The following NIPA2 variants were observed in gnomAD, a reference collection of about 807,000 sequenced individuals.
NIPA2 encodes magnesium transporter NIPA2.
In NIPA2, 11 loss-of-function variants were observed where a neutral mutation model predicts 29.7. The observed-to-expected ratio is 0.37, with a 90% confidence interval of 0.23 to 0.61. NIPA2 has a LOEUF of 0.61. Among genes scored for constraint, NIPA2 ranks in the 20% least tolerant of loss-of-function variants. The pLI is 0.66. For synonymous variants in NIPA2, 183 were observed against 161.9 expected, an observed-to-expected ratio of 1.13 and a Z score of -0.99; for missense variants, 426 against 437.9, an observed-to-expected ratio of 0.97 and a Z score of 0.24.
intron 2 of NIPA2, among the ~76,000 whole-genome samples, chr15:22,844,669 A>T (rs1017385151): frequency 6.6e-6 from 1 of 152,012 alleles, no homozygotes; most frequent in Admixed American, 6.6e-5. Flanking sequence ...GTCAGAGATC[A>T]CTGCAACCCA....
chr15:22,854,470 C>T lies in NIPA2; in HGVS notation c.196+1202C>T, dbSNP rs184662589. Among the ~76,000 whole-genome samples the T allele has an allele frequency of 7.2e-3, 1,061 of 147,958 alleles. 14 individuals carry two copies. The highest frequency in any genetic ancestry group is 0.024 in the African/African-American group (961 of 40,646). ...ACAATTAAATTATTATTGGGCCGGG[C>T]GCGGTGGCTCACACCTGTAATCCCA... On this transcript the variant is annotated intron_variant, in intron 5 of 7. Coordinates refer to ENST00000337451, the MANE Select transcript of NIPA2 (RefSeq NM_030922.7).
chr15:22,856,515 C>G (rs934798719), intron 5 of NIPA2, among the ~76,000 whole-genome samples: 1 of 150,906 alleles, frequency 6.6e-6, no homozygotes, highest in Non-Finnish European at 1.5e-5. Context: ...TTAACAGTAA[C>G]CATATTTAAA....
At chr15:22,851,936 A>G in intron 4 of NIPA2, 66 bp downstream of exon 4, 1 of 1,336,384 alleles carries the variant, frequency 7.5e-7, no homozygotes, top group Non-Finnish European at 1.0e-6. Flanking sequence ...GGTTCTTTGT[A>G]CAAGACCACA....
At chr15:22,851,969 T>A in intron 4 of NIPA2, 99 bp downstream of exon 4, 1 of 996,956 alleles carries the variant, frequency 1.0e-6, no homozygotes, top group Non-Finnish European at 1.5e-6. Context: ...GTGAGTGTAT[T>A]TGAAACTTTG....
At chr15:22,857,762 G>A (rs766019440) in intron 5 of NIPA2, among the ~76,000 whole-genome samples, 4 of 150,522 alleles carry the variant, frequency 2.7e-5, no homozygotes, top group Admixed American at 2.0e-4. Context: ...GCTTGAACCC[G>A]GGAGGTGGAG....
chr15:22,844,094 A>G (rs1215853813), intron 2 of NIPA2, among the ~76,000 whole-genome samples: 1 of 152,222 alleles, frequency 6.6e-6, no homozygotes, highest in Non-Finnish European at 1.5e-5. Flanking sequence ...TTTCCTTATT[A>G]GAATACTAGT....
At chr15:22,855,065 AC>A (rs1331110677) in intron 5 of NIPA2, among the ~76,000 whole-genome samples, 1 of 152,156 alleles carries the variant, frequency 6.6e-6, no homozygotes, top group Non-Finnish European at 1.5e-5. Context: ...AAATAAAAAT[AC>A]AAAAAATCAC....
chr15:22,853,064 A>T (rs1288679254), intron 4 of NIPA2, 148 bp from the exon 5 acceptor site: 5 of 581,772 alleles, frequency 8.6e-6, no homozygotes, highest in Non-Finnish European at 1.2e-5. Context: ...ATAATCATTA[A>T]GAAATTGTCA....
At chr15:22,865,257 C>T (rs112253722) in intron 7 of NIPA2, among the ~76,000 whole-genome samples, 18,748 of 149,718 alleles carry the variant, frequency 0.13, 1,477 homozygotes, top group Admixed American at 0.25. Context: ...GAGGCCAGAG[C>T]GGGTGGATCA....
intron 3 of NIPA2, among the ~76,000 whole-genome samples, chr15:22,850,613 T>C (rs1030206522): frequency 1.3e-5 from 2 of 152,232 alleles, no homozygotes; most frequent in African/African-American, 4.8e-5. Flanking sequence ...GTCTTCCTTG[T>C]GAAGCTAGAG....
chr15:22,863,958 G>C (rs1324822134), intron 7 of NIPA2, among the ~76,000 whole-genome samples: 2 of 151,998 alleles, frequency 1.3e-5, no homozygotes, highest in African/African-American at 4.8e-5. Flanking sequence ...TAGGTATTTG[G>C]GGTGCCAGGT....
chr15:22,867,902 A>C lies in NIPA2; in HGVS notation c.*1055A>C, dbSNP rs942321930. ...TGCAAACATATGCAGAAAAGGTAGA[A>C]TAATAAAAAAGGTCTAATGAACTCC... On this transcript the variant is annotated 3_prime_UTR_variant, in exon 8 of 8. Transcript: ENST00000337451. 1 of 152,226 alleles carries C rather than the reference A, an allele frequency of 6.6e-6. No homozygotes were observed. The highest frequency in any genetic ancestry group is 1.5e-5 in the Non-Finnish European group (1 of 68,040). 9.4% of individuals were successfully genotyped at this position (152,226 alleles called of 1,614,324 possible). A position where few individuals can be genotyped will look rare whatever the true frequency, so the allele number is the denominator to read the frequency against.
At chr15:22,839,622 CT>C (rs550134772) in intron 1 of NIPA2, 32 bp from the exon 2 acceptor site, 1 of 152,102 alleles carries the variant, frequency 6.6e-6, no homozygotes, top group African/African-American at 2.4e-5. Flanking sequence ...AACTTTAAGT[CT>C]TTTGCCTACT....
Position 22,853,599 on chromosome 15 carries a change from C to A in NIPA2, c.196+331C>A, listed in dbSNP as rs180956396. 1.2e-4 allele frequency among the ~76,000 whole-genome samples: 19 copies of A among 152,176 alleles called. No individual in the cohort carries two copies. The East Asian group carries it at 3.7e-3, about 30-fold the overall frequency. On this transcript the variant is annotated intron_variant, in intron 5 of 7. Coordinates refer to ENST00000337451, the MANE Select transcript of NIPA2 (RefSeq NM_030922.7). ...CTGTGTTGGTCAGGCTGGTCTCAAACTCCTGACCTCAGGTGATTCACCTGC... is the reference window on the plus strand; with the variant it reads ...CTGTGTTGGTCAGGCTGGTCTCAAAATCCTGACCTCAGGTGATTCACCTGC...
intron 7 of NIPA2, among the ~76,000 whole-genome samples, chr15:22,864,091 A>G (rs1166021948): frequency 6.6e-6 from 1 of 151,664 alleles, no homozygotes; most frequent in Non-Finnish European, 1.5e-5. Flanking sequence ...CTCTGTCTAC[A>G]TGGGAGAAAG....
At chr15:22,864,778 G>A (rs192875704) in intron 7 of NIPA2, among the ~76,000 whole-genome samples, 12 of 152,152 alleles carry the variant, frequency 7.9e-5, no homozygotes, top group African/African-American at 1.2e-4. Context: ...TTATCACAGC[G>A]GATGTGTAGG....
At chr15:22,843,562 C>A (rs763161468) in intron 2 of NIPA2, among the ~76,000 whole-genome samples, 5 of 151,326 alleles carry the variant, frequency 3.3e-5, no homozygotes, top group Non-Finnish European at 5.9e-5. Flanking sequence ...TACCACATAT[C>A]TTTTTAATTA....
intron 5 of NIPA2, among the ~76,000 whole-genome samples, chr15:22,853,921 G>A (rs753740790): frequency 4.6e-5 from 7 of 151,886 alleles, no homozygotes; most frequent in Admixed American, 1.3e-4. Context: ...TTCGCCTCCC[G>A]GGTTCAAGCG....
At chr15:22,859,347 C>A (rs12915547) in intron 6 of NIPA2, among the ~76,000 whole-genome samples, 19,744 of 137,800 alleles carry the variant, frequency 0.14, 1,599 homozygotes, top group Admixed American at 0.29. Context: ...CGCTGGAGTG[C>A]AGTGGCACGA....
Sources: gnomAD v4.1 joint callset for allele counts (sites outside exome capture counted in the v4.1 genomes callset) on GRCh38, gnomAD v4.1.1 for gene constraint, MANE v1.5 for transcripts, NCBI Gene and HGNC (gene_info 2026-07-23, HGNC 2026-07-21) for gene names.